The following AUTS2 variants were observed in gnomAD, a reference collection of about 807,000 sequenced individuals.
AUTS2 encodes the protein activator of transcription and developmental regulator AUTS2, also known as autism susceptibility gene 2 protein.
In AUTS2, 17 loss-of-function variants were observed where a neutral mutation model predicts 112.4. The ratio of observed to expected loss-of-function variants is 0.15; its 90% CI spans 0.10 to 0.23. The LOEUF (loss-of-function observed/expected upper bound fraction) is 0.23, where lower values mean the gene tolerates loss of function less well. AUTS2 is among the 10% of genes least tolerant of loss of function. The pLI, the probability that AUTS2 is intolerant of heterozygous loss-of-function variation, is 1.00. For synonymous variants in AUTS2, 751 were observed against 702.7 expected, an observed-to-expected ratio of 1.07 and a Z score of -1.09; for missense variants, 1,510 against 1,701.6, an observed-to-expected ratio of 0.89 and a Z score of 1.98.
At chr7:70,170,190 T>A (rs1808598899) in intron 4 of AUTS2, among the ~76,000 whole-genome samples, 1 of 151,104 alleles carries the variant, frequency 6.6e-6, no homozygotes, top group Non-Finnish European at 1.5e-5. Flanking sequence ...GACAGGGTCT[T>A]ACTTCTTCGC....
At chr7:70,763,595 G>A (rs750266381) in intron 7 of AUTS2, among the ~76,000 whole-genome samples, 7 of 152,106 alleles carry the variant, frequency 4.6e-5, no homozygotes, top group African/African-American at 1.4e-4. Context: ...GAGTGGAGGC[G>A]GAAGGAGAGG....
intron 5 of AUTS2, among the ~76,000 whole-genome samples, chr7:70,452,703 C>T (rs1796583209): frequency 6.6e-6 from 1 of 152,088 alleles, no homozygotes; most frequent in South Asian, 2.1e-4. Context: ...GAAACATGGC[C>T]ATGTCATCAG....
chr7:70,542,635 C>G (rs1000847743), intron 5 of AUTS2, among the ~76,000 whole-genome samples: 4 of 152,186 alleles, frequency 2.6e-5, no homozygotes, highest in Non-Finnish European at 2.9e-5. Flanking sequence ...GTTAACAGAG[C>G]CCCCTGCTAT....
At chr7:70,641,275 C>T (rs28437622) in intron 5 of AUTS2, among the ~76,000 whole-genome samples, 36,353 of 152,088 alleles carry the variant, frequency 0.24, 5,189 homozygotes, top group Non-Finnish European at 0.31. Context: ...TTTCGCCAGG[C>T]GCGGTGGCTC....
intron 2 of AUTS2, among the ~76,000 whole-genome samples, chr7:70,029,072 G>A (rs1192487440): frequency 2.0e-5 from 3 of 152,060 alleles, no homozygotes; most frequent in African/African-American, 4.8e-5. Context: ...CTAGACTGAC[G>A]GGCTGGAATC....
chr7:70,162,014 G>T (rs192641978), intron 4 of AUTS2, among the ~76,000 whole-genome samples: 113 of 152,206 alleles, frequency 7.4e-4, no homozygotes, highest in African/African-American at 2.6e-3. Flanking sequence ...TTGAGTGAAG[G>T]ATTAACGGCC....
intron 3 of AUTS2, 99 bp from the exon 4 acceptor site, chr7:70,134,437 G>A: frequency 1.0e-6 from 1 of 957,510 alleles, no homozygotes; most frequent in African/African-American, 1.6e-5. Flanking sequence ...GTGATGTGGT[G>A]ATGAAAAGCC....
chr7:70,191,927 C>T (rs1224821362), intron 4 of AUTS2, among the ~76,000 whole-genome samples: 2 of 150,202 alleles, frequency 1.3e-5, no homozygotes, highest in Non-Finnish European at 1.5e-5. Context: ...ATTAGCTAGG[C>T]GTGGTGGTGG....
chr7:69,868,041 A>G (rs1793314033), intron 1 of AUTS2, among the ~76,000 whole-genome samples: 1 of 152,212 alleles, frequency 6.6e-6, no homozygotes, highest in Non-Finnish European at 1.5e-5. Context: ...AAATAAAAAT[A>G]AAATTTTACA....
rs1214451031 is a variant in AUTS2, at chr7:69,651,337, A to G, written c.309+51375A>G. Among the ~76,000 whole-genome samples the G allele has an allele frequency of 2.0e-5, 3 of 152,138 alleles. No homozygotes were observed. In the East Asian group the frequency reaches 5.8e-4, roughly 29 times the overall value. On this transcript the variant is annotated intron_variant, in intron 1 of 18. Coordinates refer to ENST00000342771, the MANE Select transcript of AUTS2 (RefSeq NM_015570.4). ...TGGGAACAGCAGATTTTTCTGAGCC[A>G]CAGGTTCAGATGTGTTAGCAGAACC...
At chr7:70,664,479 T>G (rs929344786) in intron 5 of AUTS2, among the ~76,000 whole-genome samples, 6 of 152,226 alleles carry the variant, frequency 3.9e-5, no homozygotes, top group African/African-American at 1.4e-4. Context: ...GCCCATTAGC[T>G]TTCACATGTA....
At chr7:70,061,446 T>G (rs1158716957) in intron 2 of AUTS2, among the ~76,000 whole-genome samples, 1 of 152,170 alleles carries the variant, frequency 6.6e-6, no homozygotes, top group Admixed American at 6.5e-5. Flanking sequence ...AATATTAAGT[T>G]AATTAAAGCT....
chr7:70,003,259 A>G (rs984537159), intron 2 of AUTS2, among the ~76,000 whole-genome samples: 8 of 123,654 alleles, frequency 6.5e-5, no homozygotes, highest in Non-Finnish European at 9.4e-5. Context: ...ATATGAATAT[A>G]TAATATATTA....
intron 4 of AUTS2, among the ~76,000 whole-genome samples, chr7:70,136,595 G>A (rs1806575855): frequency 6.6e-6 from 1 of 152,144 alleles, no homozygotes; most frequent in South Asian, 2.1e-4. Context: ...ACTGTGCTTT[G>A]TGATTTGTGC....
At chr7:69,796,186 A>G (rs1330646556) in intron 1 of AUTS2, among the ~76,000 whole-genome samples, 1 of 152,210 alleles carries the variant, frequency 6.6e-6, no homozygotes, top group African/African-American at 2.4e-5. Flanking sequence ...GAAAAGATGT[A>G]ACCTAATTGA....
chr7:70,411,924 T>TC (rs1402624232), intron 4 of AUTS2, among the ~76,000 whole-genome samples: 2 of 150,068 alleles, frequency 1.3e-5, no homozygotes, highest in Non-Finnish European at 3.0e-5. Flanking sequence ...TTTTTTCTTT[T>TC]TTTTTTTTTT....
intron 1 of AUTS2, among the ~76,000 whole-genome samples, chr7:69,672,083 G>T (rs535402457): frequency 1.3e-5 from 2 of 151,648 alleles, no homozygotes; most frequent in East Asian, 3.9e-4. Flanking sequence ...TTTGGAAATG[G>T]AGTTTCATTC....
At chr7:70,302,208 C>T (rs992464827) in intron 4 of AUTS2, among the ~76,000 whole-genome samples, 12 of 152,020 alleles carry the variant, frequency 7.9e-5, no homozygotes, top group East Asian at 1.9e-4. Context: ...CTGAGGAGTT[C>T]GAGACTAGCC....
intron 1 of AUTS2, among the ~76,000 whole-genome samples, chr7:69,741,110 G>A (rs1358608974): frequency 6.6e-6 from 1 of 152,060 alleles, no homozygotes; most frequent in East Asian, 1.9e-4. Flanking sequence ...GATCCACTGA[G>A]GATTTAAATC....
Sources: gnomAD v4.1 joint callset for allele counts (sites outside exome capture counted in the v4.1 genomes callset) on GRCh38, gnomAD v4.1.1 for gene constraint, MANE v1.5 for transcripts, NCBI Gene and HGNC (gene_info 2026-07-23, HGNC 2026-07-21) for gene names.